Variants in LMNTD1 observed in about 807,000 individuals in gnomAD.
LMNTD1 encodes the protein lamin tail domain containing 1, also known as lamin tail domain-containing protein 1.
Under a neutral mutation model 50.9 loss-of-function variants are expected in LMNTD1, and 35 were observed. That is an observed-to-expected ratio of 0.69 (90% CI 0.53 to 0.91). The LOEUF (loss-of-function observed/expected upper bound fraction) is 0.91. Ranked by LOEUF, LMNTD1 falls within the 40% of genes least tolerant of loss-of-function variation. The probability of loss-of-function intolerance (pLI) is 0.00; values close to 1 mark genes in which losing one functional copy is unlikely to be tolerated. For synonymous variants in LMNTD1, 153 were observed against 161.9 expected (o/e 0.94, Z 0.42); for missense variants, 470 against 475.5 (o/e 0.99, Z 0.11).
chr12:25,490,958 C>T (rs1363680142), intron 9 of LMNTD1, among the ~76,000 whole-genome samples: 3 of 152,194 alleles, frequency 2.0e-5, no homozygotes, highest in African/African-American at 7.2e-5. Flanking sequence ...TTACAAAAGG[C>T]AAAGTGGCAT....
chr12:25,488,910 G>A (rs1320117877), intron 9 of LMNTD1, among the ~76,000 whole-genome samples: 1 of 152,076 alleles, frequency 6.6e-6, no homozygotes, highest in Non-Finnish European at 1.5e-5. Flanking sequence ...GTGTGCCCCT[G>A]CTGGGGGGTG....
chr12:25,610,297 G>T (rs1260840693), intron 1 of LMNTD1, among the ~76,000 whole-genome samples: 1 of 152,134 alleles, frequency 6.6e-6, no homozygotes, highest in Non-Finnish European at 1.5e-5. Flanking sequence ...TGCTTCCTGG[G>T]TGAGGCAATA....
At chr12:25,631,211 C>A (rs1423318861) in intron 1 of LMNTD1, among the ~76,000 whole-genome samples, 1 of 152,188 alleles carries the variant, frequency 6.6e-6, no homozygotes, top group Non-Finnish European at 1.5e-5. Context: ...CCCTACCCAC[C>A]CTGGTAGCAG....
chr12:25,504,478 T>G (rs1939596194), intron 8 of LMNTD1, among the ~76,000 whole-genome samples: 1 of 152,164 alleles, frequency 6.6e-6, no homozygotes, highest in Non-Finnish European at 1.5e-5. Context: ...ACAAATTACT[T>G]CTAGACCAAA....
chr12:25,546,620 T>A, intron 3 of LMNTD1, 66 bp from the exon 4 acceptor site: 1 of 969,542 alleles, frequency 1.0e-6, no homozygotes, highest in Non-Finnish European at 1.4e-6. Flanking sequence ...TAAAAGGACC[T>A]AAAGCCATTA....
chr12:25,567,382 A>T (rs56972086), intron 1 of LMNTD1, among the ~76,000 whole-genome samples: 16,094 of 152,288 alleles, frequency 0.11, 1,001 homozygotes, highest in East Asian at 0.23. Context: ...CTCAATAGTG[A>T]GTAAATACTA....
chr12:25,528,306 A>G (rs1941959743), intron 4 of LMNTD1, among the ~76,000 whole-genome samples: 1 of 152,178 alleles, frequency 6.6e-6, no homozygotes, highest in Non-Finnish European at 1.5e-5. Context: ...TAGAGAGATT[A>G]ATTCCCATGT....
At chr12:25,492,122 C>A (rs1420599429) in intron 9 of LMNTD1, among the ~76,000 whole-genome samples, 1 of 152,100 alleles carries the variant, frequency 6.6e-6, no homozygotes, top group East Asian at 1.9e-4. Flanking sequence ...AGCATTTTGG[C>A]AAAACCAGCA....
intron 9 of LMNTD1, among the ~76,000 whole-genome samples, chr12:25,477,125 G>A (rs975906862): frequency 4.6e-5 from 7 of 152,114 alleles, no homozygotes; most frequent in African/African-American, 1.2e-4. Flanking sequence ...CTATATGAAC[G>A]TTTTTCTGAG....
intron 1 of LMNTD1, among the ~76,000 whole-genome samples, chr12:25,609,075 C>T (rs939306269): frequency 6.6e-6 from 1 of 152,142 alleles, no homozygotes; most frequent in African/African-American, 2.4e-5. Flanking sequence ...TTCATTTGAT[C>T]TTCAATCACT....
rs73074393 is a variant in LMNTD1, at chr12:25,521,256, A to G, written c.799-1181T>C. Among the ~76,000 whole-genome samples, 989 of 151,994 alleles carry G rather than the reference A, an allele frequency of 6.5e-3. 5 individuals carry two copies. The highest frequency in any genetic ancestry group is 0.024 in the Middle Eastern group (7 of 294). On this transcript the variant is annotated intron_variant, in intron 6 of 9. Transcript: ENST00000458174. ...CACTTTTATTTATTTTTGTTTTTGT[A>G]GCCTGAGCTTTGGTGTGATACCAAG...
intron 1 of LMNTD1, among the ~76,000 whole-genome samples, chr12:25,645,102 T>C (rs1451998819): frequency 1.3e-5 from 2 of 152,146 alleles, no homozygotes; most frequent in Non-Finnish European, 1.5e-5. Context: ...GGCCTGAGAT[T>C]GCAAATTTAA....
At chr12:25,555,029 C>A (rs2136275154), upstream of LMNTD1, among the ~76,000 whole-genome samples, 1 of 149,582 alleles carries the variant, frequency 6.7e-6, no homozygotes, top group East Asian at 2.0e-4. Context: ...CGTGCCACTG[C>A]ATTCCAGCTT....
intron 4 of LMNTD1, among the ~76,000 whole-genome samples, chr12:25,542,251 G>A (rs1283791065): frequency 6.6e-6 from 1 of 152,028 alleles, no homozygotes; most frequent in Non-Finnish European, 1.5e-5. Flanking sequence ...AAATCATGCT[G>A]GTATAAAGAC....
chr12:25,619,240 CTCTCTCTCTCTCTA>C (rs1246117264), intron 1 of LMNTD1, among the ~76,000 whole-genome samples: 3 of 62,416 alleles, frequency 4.8e-5, no homozygotes, highest in Non-Finnish European at 9.6e-5. Context: ...CTCTCTCTCT[CTCTCTCTCTCTCTA>C]TATATATATA....
At chr12:25,612,734 G>A (rs750536749) in intron 1 of LMNTD1, among the ~76,000 whole-genome samples, 7 of 152,024 alleles carry the variant, frequency 4.6e-5, no homozygotes, top group Admixed American at 6.6e-5. Flanking sequence ...AATGTCCCCC[G>A]TGTATAGAGT....
intron 3 of LMNTD1, among the ~76,000 whole-genome samples, chr12:25,546,953 C>T (rs1943472222): frequency 6.6e-6 from 1 of 151,542 alleles, no homozygotes; most frequent in African/African-American, 2.4e-5. Flanking sequence ...GCTAAAATTC[C>T]CAAATGGCTA....
chr12:25,495,053 C>G (rs2135924118), intron 9 of LMNTD1, among the ~76,000 whole-genome samples: 1 of 152,258 alleles, frequency 6.6e-6, no homozygotes, highest in African/African-American at 2.4e-5. Flanking sequence ...AATGTCCCCT[C>G]TACTTAGACA....
chr12:25,507,439 G>A (rs1939883298), intron 8 of LMNTD1, among the ~76,000 whole-genome samples: 1 of 152,136 alleles, frequency 6.6e-6, no homozygotes, highest in Non-Finnish European at 1.5e-5. Flanking sequence ...AATTCTATGG[G>A]CCATCTGGCT....
Sources: allele counts gnomAD v4.1 joint callset (sites outside exome capture counted in the v4.1 genomes callset), GRCh38; gene constraint gnomAD v4.1.1; transcripts MANE v1.5; gene names NCBI Gene and HGNC (gene_info 2026-07-23, HGNC 2026-07-21).